TGFBRAP1: variants seen among roughly 807,000 people sequenced by gnomAD.
TGFBRAP1 encodes the protein transforming growth factor-beta receptor-associated protein 1.
Under a neutral mutation model 83.2 loss-of-function variants are expected in TGFBRAP1, and 20 were observed. That is an observed-to-expected ratio of 0.24 (90% confidence interval 0.17 to 0.35). TGFBRAP1 has a LOEUF of 0.35. TGFBRAP1 is among the 10% of genes least tolerant of loss of function. TGFBRAP1 has a pLI of 1.00. For synonymous variants in TGFBRAP1, 415 were observed against 459.8 expected (o/e 0.90, Z 1.25); for missense variants, 950 against 1,099.4 (o/e 0.86, Z 1.92).
intron 8 of TGFBRAP1, among the ~76,000 whole-genome samples, chr2:105,274,841 C>A (rs116266234): frequency 0.021 from 3,220 of 152,304 alleles, 52 homozygotes; most frequent in Non-Finnish European, 0.031. Context: ...GGACCAACGT[C>A]CTGCATCAGA....
At chr2:105,311,418 C>CA (rs199611590) in intron 1 of TGFBRAP1, among the ~76,000 whole-genome samples, 47 of 151,614 alleles carry the variant, frequency 3.1e-4, no homozygotes, top group Middle Eastern at 3.4e-3. Flanking sequence ...CCTGTCTCTA[C>CA]AAAAAAAATA....
intron 1 of TGFBRAP1, among the ~76,000 whole-genome samples, chr2:105,316,554 C>G (rs1057288810): frequency 6.6e-6 from 1 of 151,246 alleles, no homozygotes; most frequent in Middle Eastern, 3.2e-3. Flanking sequence ...TGCCTGTAAT[C>G]CTGTAATCCC....
chr2:105,272,902 C>G lies in TGFBRAP1; in HGVS notation c.1925G>C (p.Arg642Pro). Residue 642 changes from arginine to proline, a missense_variant, in exon 10 of 12, where the codon CGG becomes CCG. By Grantham distance (103) the Arg-to-Pro change is moderately radical (BLOSUM62 -2). Transcript: ENST00000393359. ...TAAATCAGATTTCTGGAGCAGCCGC[C>G]GCAGCTTGGCCTGCGTCTCGGTGGC... is the stretch of plus-strand genomic sequence containing the variant. ...AEATETQAKL[R>P]RLLQKSDLYR... 1.2e-6 allele frequency: 2 copies of G among 1,610,218 alleles called. No individual in the cohort carries two copies. Among genetic ancestry groups the G allele is most frequent in the Non-Finnish European group, 1.7e-6 (2 of 1,179,958 alleles).
chr2:105,291,004 C>G (rs1221523074), intron 4 of TGFBRAP1, among the ~76,000 whole-genome samples: 1 of 152,056 alleles, frequency 6.6e-6, no homozygotes, highest in Non-Finnish European at 1.5e-5. Context: ...GAGACTCCAA[C>G]TCAAAAAAAT....
At chr2:105,277,499 G>A in intron 7 of TGFBRAP1, 115 bp downstream of exon 7, 9 of 873,878 alleles carry the variant, frequency 1.0e-5, no homozygotes, top group Non-Finnish European at 1.5e-5. Flanking sequence ...TGTATAAAAG[G>A]GTGTAGATCA....
intron 1 of TGFBRAP1, among the ~76,000 whole-genome samples, chr2:105,317,296 G>A (rs866367656): frequency 2.2e-4 from 34 of 152,138 alleles, no homozygotes; most frequent in African/African-American, 5.3e-4. Context: ...AATTAGCTGG[G>A]CATGGTGGCG....
intron 1 of TGFBRAP1, among the ~76,000 whole-genome samples, chr2:105,318,464 A>G (rs1678953376): frequency 6.6e-6 from 1 of 152,238 alleles, no homozygotes; most frequent in Admixed American, 6.5e-5. Flanking sequence ...AATTAAAAAT[A>G]TACACGTACA....
chr2:105,297,363 C>T (rs912045320), intron 3 of TGFBRAP1, among the ~76,000 whole-genome samples: 7 of 152,240 alleles, frequency 4.6e-5, no homozygotes, highest in African/African-American at 1.7e-4. Context: ...CCTGTTACAT[C>T]ATCCTTCTCT....
the TGFBRAP1 span, among the ~76,000 whole-genome samples, chr2:105,251,522 G>T: frequency 6.7e-6 from 1 of 149,618 alleles, no homozygotes; most frequent in Non-Finnish European, 1.5e-5. Flanking sequence ...GGAGGTGGGG[G>T]GGGATCAGCC....
chr2:105,291,333 T>C lies in TGFBRAP1; in HGVS notation c.1038+5023A>G, dbSNP rs375889998. Among the ~76,000 whole-genome samples the C allele has an allele frequency of 2.5e-4, 38 of 152,300 alleles. No homozygotes were observed. The East Asian group carries it at 7.4e-3, about 29-fold the overall frequency. Reference sequence around the variant, plus strand: ...GACTCCAAACGTACAGACACCTGGATCTTGGCCTCCAGAACTGAGAAATAA... The same window carrying C: ...GACTCCAAACGTACAGACACCTGGACCTTGGCCTCCAGAACTGAGAAATAA... On this transcript the variant is annotated intron_variant, in intron 4 of 11. Coordinates refer to ENST00000393359, the MANE Select transcript of TGFBRAP1 (RefSeq NM_004257.6).
intron 6 of TGFBRAP1, 47 bp from the exon 7 acceptor site, chr2:105,277,718 T>G: frequency 1.3e-6 from 2 of 1,583,602 alleles, no homozygotes; most frequent in Non-Finnish European, 1.7e-6. Flanking sequence ...CATCAGCTCC[T>G]GGAGGCGACC....
Position 105,280,689 on chromosome 2 carries a change from G to C in TGFBRAP1, c.1156C>G (p.Leu386Val), listed in dbSNP as rs779459061. 1.2e-6 allele frequency: 2 copies of C among 1,614,016 alleles called. No homozygotes were observed. Among genetic ancestry groups the C allele is most frequent in the South Asian group, 2.2e-5 (2 of 91,074 alleles). ...GAGGTGGGCAACAGGAAGGGGTAGAGAGAGATCAGCTCCCGGACATCAAGC... is the reference window on the plus strand; with the variant it reads ...GAGGTGGGCAACAGGAAGGGGTAGACAGAGATCAGCTCCCGGACATCAAGC... Reference protein sequence around the residue: ...GQLDVRELISLYPFLLPTSSS... With the variant: ...GQLDVRELISVYPFLLPTSSS... Residue 386 changes from leucine to valine, a missense_variant, in exon 6 of 12, where the codon CTC (leucine) becomes GTC (valine). Coordinates refer to ENST00000393359, the MANE Select transcript of TGFBRAP1 (RefSeq NM_004257.6).
intron 11 of TGFBRAP1, among the ~76,000 whole-genome samples, chr2:105,268,787 C>T (rs955106216): frequency 9.9e-5 from 15 of 152,190 alleles, no homozygotes; most frequent in South Asian, 4.1e-4. Context: ...AGTGTGGGGA[C>T]GAAGAATGTG....
At chr2:105,267,801 G>A (rs1382166862) in intron 11 of TGFBRAP1, 4 of 985,454 alleles carry the variant, frequency 4.1e-6, no homozygotes, top group Non-Finnish European at 4.8e-6. Context: ...ATTGTTGCTT[G>A]TCTGGCTGAG....
chr2:105,311,145 T>TAAAAAAAAAA (rs11389565), intron 1 of TGFBRAP1, among the ~76,000 whole-genome samples: 4 of 125,442 alleles, frequency 3.2e-5, no homozygotes, highest in Middle Eastern at 4.1e-3. Flanking sequence ...GAGAGAGCTG[T>TAAAAAAAAAA]AAAAAAAAAA....
intron 1 of TGFBRAP1, among the ~76,000 whole-genome samples, chr2:105,315,318 G>A (rs780279156): frequency 2.6e-5 from 4 of 152,136 alleles, no homozygotes; most frequent in Non-Finnish European, 5.9e-5. Context: ...ACAGAACATA[G>A]CATAGTCAAA....
rs879619148 is a variant in TGFBRAP1, at chr2:105,311,908, CA to C, written c.-17-3591del. On this transcript the variant is annotated intron_variant, in intron 1 of 11. Transcript: ENST00000393359. ...GGGTGACAGGAGCAAAACTCCATCT[CA>C]AAAAAAAAAAATTAATTTAAAAAAC... Among the ~76,000 whole-genome samples, 166 of 137,978 alleles carry C rather than the reference CA, an allele frequency of 1.2e-3. 1 individual carries two copies. The highest frequency in any genetic ancestry group is 3.4e-3 in the African/African-American group (128 of 37,504). 90.5% of individuals were successfully genotyped at this position (137,978 alleles called of 152,430 possible). A position where few individuals can be genotyped will look rare whatever the true frequency, so the allele number is the denominator to read the frequency against.
At chr2:105,290,928 C>T (rs1003553693) in intron 4 of TGFBRAP1, among the ~76,000 whole-genome samples, 3 of 152,198 alleles carry the variant, frequency 2.0e-5, no homozygotes, top group East Asian at 1.9e-4. Context: ...ATCCCTTGAA[C>T]GCGGGAGGTG....
rs772699409 is a variant in TGFBRAP1 at position 105,265,763 on chromosome 2, TAGTC to T, written c.*1616_*1619del. 8 of 152,252 alleles carry T rather than the reference TAGTC, an allele frequency of 5.3e-5. No individual in the cohort carries two copies. Among genetic ancestry groups the T allele is most frequent in the Non-Finnish European group, 1.0e-4 (7 of 68,036 alleles). The allele number at this position is 152,252 out of a possible 1,614,324, so 9.4% of individuals were successfully genotyped here. On this transcript the variant is annotated 3_prime_UTR_variant, in exon 12 of 12. Coordinates refer to ENST00000393359, the MANE Select transcript of TGFBRAP1 (RefSeq NM_004257.6). ...ATTTATTCTTTAGTTAATTGAAACA[TAGTC>T]AGGAAAAAATGGTGCCAATTCCCCC...
Sources: gnomAD v4.1 joint callset for allele counts (sites outside exome capture counted in the v4.1 genomes callset) on GRCh38, gnomAD v4.1.1 for gene constraint, MANE v1.5 for transcripts, NCBI Gene and HGNC (gene_info 2026-07-23, HGNC 2026-07-21) for gene names.